The following ZNF550 variants were observed in gnomAD, a reference collection of about 807,000 sequenced individuals.
The protein encoded by ZNF550 is zinc finger protein 550.
ZNF550 carries 42 observed loss-of-function variants against 40.2 expected under a neutral mutation model. The ratio of observed to expected loss-of-function variants is 1.05; its 90% CI spans 0.82 to 1.35. The LOEUF (loss-of-function observed/expected upper bound fraction) is 1.35. Ranked by LOEUF, ZNF550 falls within the 40% of genes most tolerant of loss-of-function variation. The pLI is 0.00. For synonymous variants in ZNF550, 223 were observed against 198.6 expected (o/e 1.12, Z -1.03); for missense variants, 549 against 525.2 (o/e 1.05, Z -0.44).
At chr19:57,543,635 C>T in intron 4 of ZNF550, 6 of 985,364 alleles carry the variant, frequency 6.1e-6, no homozygotes, top group Non-Finnish European at 7.2e-6. Flanking sequence ...AAAACATGAA[C>T]ATGAAAACGT....
chr19:57,552,899 C>A, intron 2 of ZNF550, 177 bp from the exon 3 acceptor site: 1 of 565,262 alleles, frequency 1.8e-6, no homozygotes, highest in Non-Finnish European at 3.1e-6. Flanking sequence ...GCTGTGTTCC[C>A]CATAAAAATC....
intron 1 of ZNF550, 109 bp from the exon 2 acceptor site, chr19:57,556,466 C>G (rs958292445): frequency 7.0e-7 from 1 of 1,433,436 alleles, no homozygotes; most frequent in Non-Finnish European, 9.5e-7. Flanking sequence ...TCTGAATCAA[C>G]TAGGTCTCCT....
At chr19:57,552,696 C>A (rs1294648897) in exon 3 of ZNF550, 2 of 1,598,346 alleles carry the variant, frequency 1.3e-6, no homozygotes, top group East Asian at 2.2e-5. Context: ...AGCAGGTGGA[C>A]CAACTCTGGT....
At chr19:57,555,085 C>T (rs982603300) in intron 2 of ZNF550, 1 of 152,184 alleles carries the variant, frequency 6.6e-6, no homozygotes, top group Admixed American at 6.5e-5. Flanking sequence ...CTTCTTTATC[C>T]TGACCCACTT....
intron 2 of ZNF550, 24 bp downstream of exon 2, chr19:57,556,207 C>T (rs777357130): frequency 2.5e-6 from 4 of 1,613,782 alleles, no homozygotes; most frequent in Non-Finnish European, 3.4e-6. Context: ...GGGTCCTCCT[C>T]AGGGATGAGA....
exon 4 of ZNF550, chr19:57,547,620 A>C: frequency 6.2e-7 from 1 of 1,614,092 alleles, no homozygotes; most frequent in Non-Finnish European, 8.5e-7. Context: ...AACCTTTCCC[A>C]CACTGCTTGC....
Position 57,554,082 on chromosome 19 carries a change from T to C in ZNF550, c.155-1360A>G, listed in dbSNP as rs1217101818. On this transcript the variant is annotated intron_variant, in intron 2 of 4. Transcript: ENST00000457177. The surrounding 1 kb of genome is among the most constrained non-coding windows in gnomAD (Gnocchi z 4.5). ...GTCCTAGCTACTCAAGGGGATGAGG[T>C]TGGGAGGATTGCTTGAGCCTAGGAA... 2.0e-5 allele frequency: 3 copies of C among 151,900 alleles called. No individual in the cohort carries two copies. Among genetic ancestry groups the C allele is most frequent in the Non-Finnish European group, 4.4e-5 (3 of 68,022 alleles). 9.4% of individuals were successfully genotyped at this position (151,900 alleles called of 1,614,324 possible).
At chr19:57,559,761 G>A (rs2090154993) in exon 1 of ZNF550, 2 of 1,290,834 alleles carry the variant, frequency 1.5e-6, no homozygotes, top group Non-Finnish European at 2.0e-6. Context: ...CAACGGTGCG[G>A]AGGTGAGCCC....
Position 57,552,640 on chromosome 19 carries a change from A to T in ZNF550, c.237T>A (p.His79Gln), listed in dbSNP as rs558731267. Reference sequence around the variant, plus strand: ...GTGGCTGCTTACCTGCACAGGTAGCATGTGAGAGGCCTCTCTTCACTATCC... The same window carrying T: ...GTGGCTGCTTACCTGCACAGGTAGCTTGTGAGAGGCCTCTCTTCACTATCC... The change falls in exon 3 of 5, where the codon CAT becomes CAA. Residue 79 changes from histidine (H) to glutamine (Q), a missense_variant. His to Gln is a conservative substitution (Grantham distance 24). Coordinates refer to ENST00000457177, the Ensembl canonical transcript of ZNF550. 3.8e-5 allele frequency: 60 copies of T among 1,597,422 alleles called. 2 individuals are homozygous for T. The South Asian group carries it at 6.4e-4, about 17-fold the overall frequency.
intron 4 of ZNF550, chr19:57,543,475 A>G: frequency 5.0e-6 from 2 of 402,328 alleles, no homozygotes; most frequent in Non-Finnish European, 6.7e-6. Flanking sequence ...TTTACCGTCC[A>G]CATTTCCTCT....
chr19:57,559,845 C>T (rs1361700370), exon 1 of ZNF550: 1 of 562,282 alleles, frequency 1.8e-6, no homozygotes, highest in Non-Finnish European at 2.7e-6. Flanking sequence ...ACGTCCACGC[C>T]AGCGAGGCCG....
Position 57,550,814 on chromosome 19 carries a change from CA to C in ZNF550, c.250+1812del, listed in dbSNP as rs899045275. ...TTTTTTTAGTTTGAGAAATTTTAAACAAAAAAATATTAAAGTCAAGTGTAAA... is the reference window on the plus strand; with the variant it reads ...TTTTTTTAGTTTGAGAAATTTTAAACAAAAAATATTAAAGTCAAGTGTAAA... On this transcript the variant is annotated intron_variant, in intron 3 of 4. Transcript: ENST00000457177. Among the ~76,000 whole-genome samples the C allele has an allele frequency of 4.9e-3, 746 of 151,988 alleles. 6 individuals are homozygous for C. The highest frequency in any genetic ancestry group is 0.016 in the African/African-American group (682 of 41,470).
At chr19:57,547,171 A>C in exon 4 of ZNF550, 2 of 1,611,284 alleles carry the variant, frequency 1.2e-6, no homozygotes, top group Non-Finnish European at 1.7e-6. Flanking sequence ...GTGCTGTATG[A>C]GTTCTGAGCT....
exon 2 of ZNF550, chr19:57,556,296 T>C (rs139995875): frequency 4.3e-6 from 7 of 1,613,968 alleles, no homozygotes; most frequent in Non-Finnish European, 4.2e-6. Flanking sequence ...CTGGGCCAGG[T>C]CCAGCTGTCT....
intron 4 of ZNF550, chr19:57,544,012 T>C: frequency 2.0e-6 from 2 of 985,476 alleles, no homozygotes; most frequent in Non-Finnish European, 2.4e-6. Flanking sequence ...CAACTTTTAC[T>C]GTAAGTTCAA....
exon 4 of ZNF550, chr19:57,546,960 A>G: frequency 6.3e-7 from 1 of 1,590,766 alleles, no homozygotes. Flanking sequence ...TATTCATTGC[A>G]GCAATAGGGT....
exon 5 of ZNF550, chr19:57,541,916 A>C (rs2089962781): frequency 6.6e-6 from 1 of 152,170 alleles, no homozygotes; most frequent in Admixed American, 6.5e-5. Context: ...TTAGATACCA[A>C]CAAGAGACTG....
exon 4 of ZNF550, chr19:57,547,612 C>T (rs1295749953): frequency 1.2e-6 from 2 of 1,614,124 alleles, no homozygotes; most frequent in Middle Eastern, 1.6e-4. Flanking sequence ...CCTGTTAAAA[C>T]CTTTCCCACA....
exon 5 of ZNF550, chr19:57,542,077 C>T (rs992746862): frequency 6.6e-6 from 1 of 151,602 alleles, no homozygotes; most frequent in Non-Finnish European, 1.5e-5. Context: ...ATGAGTAGAC[C>T]ATTGACAGAA....
Sources: allele counts gnomAD v4.1 joint callset (sites outside exome capture counted in the v4.1 genomes callset), GRCh38; gene constraint gnomAD v4.1.1; non-coding constraint Gnocchi (gnomAD v3.1); transcripts MANE v1.5; gene names NCBI Gene and HGNC (gene_info 2026-07-23, HGNC 2026-07-21).